Variants in NOVA1 observed in about 807,000 individuals in gnomAD.
NOVA1 encodes NOVA alternative splicing regulator 1, also known as RNA-binding protein Nova-1.
A neutral mutation model predicts 38.0 loss-of-function variants in NOVA1; 7 were observed. The observed-to-expected ratio is 0.18, with a 90% CI of 0.10 to 0.35. The LOEUF is 0.35. Ranked by LOEUF, NOVA1 falls within the 10% of genes least tolerant of loss-of-function variation. NOVA1 has a pLI of 1.00. For missense variants in NOVA1, 460 were observed against 616.0 expected (o/e 0.75, Z 2.68); for synonymous variants, 270 against 232.5 (o/e 1.16, Z -1.47).
intron 2 of NOVA1, among the ~76,000 whole-genome samples, chr14:26,530,750 G>A (rs1011802004): frequency 6.6e-6 from 1 of 151,942 alleles, no homozygotes; most frequent in Non-Finnish European, 1.5e-5. Context: ...GAGGGGTTGG[G>A]AGGGCAGAAA....
Position 26,597,582 on chromosome 14 carries a change from C to A in NOVA1, c.-146G>T, listed in dbSNP as rs1369100023. ...TTTTTAATCGGATCAATATAAATCT[C>A]TTTAGGAAAAAAAGCAATGTTGCTG... On this transcript the variant is annotated 5_prime_UTR_variant, in exon 1 of 5. Coordinates refer to ENST00000539517, the MANE Select transcript of NOVA1 (RefSeq NM_002515.3). 4 of 1,179,374 alleles carry A rather than the reference C, an allele frequency of 3.4e-6. No homozygotes were observed. The highest frequency in any genetic ancestry group is 4.1e-6 in the Non-Finnish European group (4 of 970,602). 73.1% of individuals were successfully genotyped at this position (1,179,374 alleles called of 1,614,324 possible). A position where few individuals can be genotyped will look rare whatever the true frequency, so the allele number is the denominator to read the frequency against.
intron 2 of NOVA1, among the ~76,000 whole-genome samples, chr14:26,572,763 T>G (rs1439509487): frequency 6.6e-6 from 1 of 150,626 alleles, no homozygotes; most frequent in African/African-American, 2.5e-5. Flanking sequence ...TGTGTGTGTG[T>G]GTATGTGTGT....
chr14:26,486,085 T>C (rs1354882881), intron 2 of NOVA1, among the ~76,000 whole-genome samples: 2 of 152,204 alleles, frequency 1.3e-5, no homozygotes, highest in Non-Finnish European at 2.9e-5. Context: ...GGATAGCTAA[T>C]ATTGTGATCA....
At chr14:26,573,337 G>T (rs1354983890) in intron 2 of NOVA1, among the ~76,000 whole-genome samples, 2 of 152,006 alleles carry the variant, frequency 1.3e-5, no homozygotes, top group South Asian at 2.1e-4. Context: ...AAAATGCTGA[G>T]AAAAAAAGAA....
At chr14:26,463,354 T>C (rs1883854404) in intron 4 of NOVA1, among the ~76,000 whole-genome samples, 1 of 152,196 alleles carries the variant, frequency 6.6e-6, no homozygotes, top group Non-Finnish European at 1.5e-5. Context: ...ACGTCTTGAA[T>C]TTCTGATATG....
intron 2 of NOVA1, among the ~76,000 whole-genome samples, chr14:26,591,615 AAAT>A (rs1211705377): frequency 6.6e-6 from 1 of 151,668 alleles, no homozygotes; most frequent in African/African-American, 2.4e-5. Context: ...ATGTAAACAG[AAAT>A]AATGTTTTAA....
Position 26,581,199 on chromosome 14 carries a change from G to A in NOVA1, c.280+14211C>T, listed in dbSNP as rs1015460161. Among the ~76,000 whole-genome samples the A allele has an allele frequency of 2.2e-4, 34 of 152,138 alleles. No homozygotes were observed. In the East Asian group the frequency reaches 3.9e-3, roughly 17 times the overall value. On this transcript the variant is annotated intron_variant, in intron 2 of 4. Transcript: ENST00000539517. ...CATGTTCTCTAGAAGTCTTGTATTC[G>A]TCGTACTTCCACAGAGGCGTTAAGA...
intron 2 of NOVA1, among the ~76,000 whole-genome samples, chr14:26,525,908 T>C (rs1362194508): frequency 1.3e-5 from 2 of 152,126 alleles, no homozygotes; most frequent in Non-Finnish European, 1.5e-5. Context: ...TGGCCAATAA[T>C]ACACATTCTT....
At chr14:26,496,622 T>A (rs1886813154) in intron 2 of NOVA1, among the ~76,000 whole-genome samples, 1 of 152,326 alleles carries the variant, frequency 6.6e-6, no homozygotes, top group African/African-American at 2.4e-5. Context: ...TGTTTATGGT[T>A]TTAGGTCTAA....
intron 4 of NOVA1, among the ~76,000 whole-genome samples, chr14:26,455,486 T>C (rs1322800279): frequency 1.3e-5 from 2 of 152,048 alleles, no homozygotes; most frequent in East Asian, 3.9e-4. Flanking sequence ...GAGTCTTTAT[T>C]TTAGCATTAT....
intron 2 of NOVA1, among the ~76,000 whole-genome samples, chr14:26,494,764 G>A (rs1036426452): frequency 2.0e-5 from 3 of 151,834 alleles, no homozygotes; most frequent in Admixed American, 6.6e-5. Context: ...CTCCCTAGTC[G>A]GAGACACTAT....
chr14:26,519,720 G>A (rs1034836568), intron 2 of NOVA1, among the ~76,000 whole-genome samples: 1 of 151,994 alleles, frequency 6.6e-6, no homozygotes, highest in Admixed American at 6.6e-5. Flanking sequence ...TTCTCTTCCT[G>A]TGTATTCTTT....
At chr14:26,481,988 T>TAAAA (rs372806170) in intron 2 of NOVA1, among the ~76,000 whole-genome samples, 1,758 of 105,538 alleles carry the variant, frequency 0.017, 102 homozygotes, top group East Asian at 0.072. Context: ...TAGATAGAGA[T>TAAAA]AAAAAAAAAA....
intron 2 of NOVA1, among the ~76,000 whole-genome samples, chr14:26,580,984 C>T (rs1323731228): frequency 2.6e-5 from 4 of 151,986 alleles, no homozygotes; most frequent in Non-Finnish European, 5.9e-5. Context: ...GCTTATTATA[C>T]ACCAAATATT....
At chr14:26,525,955 A>G (rs1489577569) in intron 2 of NOVA1, among the ~76,000 whole-genome samples, 1 of 152,148 alleles carries the variant, frequency 6.6e-6, no homozygotes, top group African/African-American at 2.4e-5. Context: ...GTTATTAAAT[A>G]GCTTTAAGTT....
chr14:26,458,417 T>C (rs1042572037), intron 4 of NOVA1, among the ~76,000 whole-genome samples: 1 of 152,022 alleles, frequency 6.6e-6, no homozygotes, highest in Admixed American at 6.6e-5. Flanking sequence ...AGCAAAGACA[T>C]GGGATCAACC....
chr14:26,538,810 A>G (rs1890272084), intron 2 of NOVA1, among the ~76,000 whole-genome samples: 1 of 152,068 alleles, frequency 6.6e-6, no homozygotes, highest in African/African-American at 2.4e-5. Context: ...ACTCCTCACT[A>G]TGACTTACTG....
At chr14:26,471,168 A>T (rs1250033304) in intron 4 of NOVA1, among the ~76,000 whole-genome samples, 1 of 152,074 alleles carries the variant, frequency 6.6e-6, no homozygotes, top group African/African-American at 2.4e-5. Flanking sequence ...ACGCTATTGC[A>T]TAAAATGAAA....
intron 3 of NOVA1, among the ~76,000 whole-genome samples, chr14:26,472,755 A>G (rs1884689749): frequency 6.6e-6 from 1 of 152,028 alleles, no homozygotes; most frequent in African/African-American, 2.4e-5. Context: ...AGTTCAATGA[A>G]TAAAACCAAA....
Sources: allele counts gnomAD v4.1 joint callset (sites outside exome capture counted in the v4.1 genomes callset), GRCh38; gene constraint gnomAD v4.1.1; transcripts MANE v1.5; gene names NCBI Gene and HGNC (gene_info 2026-07-23, HGNC 2026-07-21).